Variants in ALCAM observed in about 807,000 individuals in gnomAD.
ALCAM encodes CD166 antigen.
Under a neutral mutation model 70.9 loss-of-function variants are expected in ALCAM, and 30 were observed. The ratio of observed to expected loss-of-function variants is 0.42; its 90% CI spans 0.32 to 0.57. ALCAM has a LOEUF of 0.57. Ranked by LOEUF, ALCAM falls within the 20% of genes least tolerant of loss-of-function variation. ALCAM has a pLI of 0.11. For missense variants in ALCAM, 591 were observed against 695.1 expected (o/e 0.85, Z 1.68); for synonymous variants, 249 against 242.5 (o/e 1.03, Z -0.25).
At chr3:105,385,409 G>A (rs1482743485) in intron 1 of ALCAM, among the ~76,000 whole-genome samples, 1 of 151,534 alleles carries the variant, frequency 6.6e-6, no homozygotes, top group Non-Finnish European at 1.5e-5. Flanking sequence ...AGAGAGGAAA[G>A]AAAGATAAGA....
intron 1 of ALCAM, among the ~76,000 whole-genome samples, chr3:105,516,631 A>G (rs996493080): frequency 6.6e-6 from 1 of 152,148 alleles, no homozygotes; most frequent in African/African-American, 2.4e-5. Flanking sequence ...CACATTTTAT[A>G]TCGTATTGTA....
At chr3:105,410,564 C>T (rs1936361631) in intron 1 of ALCAM, among the ~76,000 whole-genome samples, 1 of 151,962 alleles carries the variant, frequency 6.6e-6, no homozygotes, top group Non-Finnish European at 1.5e-5. Context: ...TTGTCTGTAT[C>T]TCCGGGGATA....
chr3:105,458,351 G>A (rs571083721), intron 1 of ALCAM, among the ~76,000 whole-genome samples: 3 of 152,158 alleles, frequency 2.0e-5, no homozygotes, highest in Non-Finnish European at 4.4e-5. Flanking sequence ...ATGGAACTGG[G>A]TATGACATTG....
At chr3:105,426,088 T>G (rs1367262469) in intron 1 of ALCAM, among the ~76,000 whole-genome samples, 1 of 151,880 alleles carries the variant, frequency 6.6e-6, no homozygotes, top group Non-Finnish European at 1.5e-5. Flanking sequence ...AGTTGTGAAT[T>G]GGACACTTAA....
chr3:105,409,740 T>C (rs1936340317), intron 1 of ALCAM, among the ~76,000 whole-genome samples: 1 of 152,076 alleles, frequency 6.6e-6, no homozygotes, highest in Admixed American at 6.6e-5. Context: ...AAATTTCCTG[T>C]CCTAACAATC....
At chr3:105,456,552 G>A (rs1937537534) in intron 1 of ALCAM, among the ~76,000 whole-genome samples, 1 of 152,124 alleles carries the variant, frequency 6.6e-6, no homozygotes, top group South Asian at 2.1e-4. Flanking sequence ...AAACTTATAA[G>A]CAACTACATA....
chr3:105,395,375 A>C (rs2107360854), intron 1 of ALCAM, among the ~76,000 whole-genome samples: 1 of 152,118 alleles, frequency 6.6e-6, no homozygotes, highest in African/African-American at 2.4e-5. Context: ...TGGAGAGTAC[A>C]CAGAAATAGA....
Position 105,367,294 on chromosome 3 carries a change from G to T in ALCAM, c.-115G>T. ...AGCCCAGGGGACGGTGTGTCTGGGA[G>T]AAGACGCTGCCCCTGCGTCGGGACC... is the stretch of plus-strand genomic sequence containing the variant. On this transcript the variant is annotated 5_prime_UTR_variant, in exon 1 of 16. Coordinates refer to ENST00000306107, the MANE Select transcript of ALCAM (RefSeq NM_001627.4). The T allele has an allele frequency of 1.0e-6, 1 of 995,018 alleles. No individual in the cohort carries two copies. The highest frequency in any genetic ancestry group is 1.5e-6 in the Non-Finnish European group (1 of 654,824). 61.6% of individuals were successfully genotyped at this position (995,018 alleles called of 1,614,324 possible).
At chr3:105,500,218 A>G (rs1938882381) in intron 1 of ALCAM, among the ~76,000 whole-genome samples, 1 of 11,036 alleles carries the variant, frequency 9.1e-5, no homozygotes. Context: ...TACTTTCTTC[A>G]TATTAATACG....
intron 1 of ALCAM, among the ~76,000 whole-genome samples, chr3:105,367,899 A>G (rs1935109720): frequency 6.6e-6 from 1 of 151,956 alleles, no homozygotes; most frequent in Admixed American, 6.6e-5. Flanking sequence ...AACTGCCGGC[A>G]CTTTTTCGTG....
intron 3 of ALCAM, among the ~76,000 whole-genome samples, chr3:105,531,789 A>C (rs187724995): frequency 3.6e-4 from 55 of 152,332 alleles, no homozygotes; most frequent in African/African-American, 1.2e-3. Context: ...ATTCAAAGGA[A>C]TTACAAGCAC....
intron 1 of ALCAM, among the ~76,000 whole-genome samples, chr3:105,470,196 G>A (rs898333622): frequency 6.7e-6 from 1 of 148,956 alleles, no homozygotes; most frequent in African/African-American, 2.5e-5. Context: ...TAACTATTCA[G>A]CAAATTATGG....
intron 14 of ALCAM, among the ~76,000 whole-genome samples, chr3:105,553,654 G>A (rs918496877): frequency 6.6e-6 from 1 of 151,828 alleles, no homozygotes; most frequent in African/African-American, 2.4e-5. Flanking sequence ...TCCAAGGGAG[G>A]CAGAAGCTCT....
chr3:105,454,730 G>A (rs113360413), intron 1 of ALCAM, among the ~76,000 whole-genome samples: 23,349 of 132,130 alleles, frequency 0.18, 2,031 homozygotes, highest in Middle Eastern at 0.25. Context: ...GTGCAGTGGC[G>A]CGATCTCCGA....
intron 12 of ALCAM, among the ~76,000 whole-genome samples, chr3:105,550,563 G>T (rs898642570): frequency 3.3e-5 from 5 of 151,460 alleles, no homozygotes; most frequent in African/African-American, 1.2e-4. Context: ...CATGTTTTAT[G>T]TTCAGAGTGG....
chr3:105,544,887 C>A, intron 8 of ALCAM: 1 of 269,040 alleles, frequency 3.7e-6, no homozygotes, highest in Non-Finnish European at 7.3e-6. Context: ...TAGTCATCAT[C>A]TTTATTTTCT....
intron 1 of ALCAM, among the ~76,000 whole-genome samples, chr3:105,481,892 A>T (rs1409227568): frequency 2.0e-5 from 3 of 152,174 alleles, no homozygotes; most frequent in African/African-American, 7.2e-5. Context: ...TAAATAGTTT[A>T]TATGTTTAAT....
At chr3:105,439,833 C>A (rs1281032403) in intron 1 of ALCAM, among the ~76,000 whole-genome samples, 1 of 152,136 alleles carries the variant, frequency 6.6e-6, no homozygotes, top group Non-Finnish European at 1.5e-5. Context: ...ATAGTCATTT[C>A]TTGGAGTGCA....
chr3:105,421,280 T>C (rs1157498166), intron 1 of ALCAM, among the ~76,000 whole-genome samples: 1 of 151,382 alleles, frequency 6.6e-6, no homozygotes, highest in Admixed American at 6.6e-5. Flanking sequence ...GGGAAACATA[T>C]AGAAATGAGG....
Sources: allele counts gnomAD v4.1 joint callset (sites outside exome capture counted in the v4.1 genomes callset), GRCh38; gene constraint gnomAD v4.1.1; transcripts MANE v1.5; gene names NCBI Gene and HGNC (gene_info 2026-07-23, HGNC 2026-07-21).